TBC1D5: variants seen among roughly 807,000 people sequenced by gnomAD.
The protein encoded by TBC1D5 is TBC1 domain family, member 5.
Under a neutral mutation model 100.3 loss-of-function variants are expected in TBC1D5, and 75 were observed. The observed-to-expected ratio is 0.75, with a 90% CI of 0.62 to 0.91. TBC1D5 has a LOEUF of 0.91. TBC1D5 is among the 40% of genes least tolerant of loss of function. The pLI is 0.00. For missense variants in TBC1D5, 910 were observed against 942.4 expected, an observed-to-expected ratio of 0.97 and a Z score of 0.45; for synonymous variants, 323 against 325.6, an observed-to-expected ratio of 0.99 and a Z score of 0.09.
chr3:17,428,109 T>C (rs1379783560), intron 4 of TBC1D5, among the ~76,000 whole-genome samples: 1 of 151,764 alleles, frequency 6.6e-6, no homozygotes, highest in Non-Finnish European at 1.5e-5. Context: ...TTTAGTACCG[T>C]AACAGATATA....
At chr3:17,713,418 ATT>A (rs2074942408) in intron 1 of TBC1D5, among the ~76,000 whole-genome samples, 1 of 151,678 alleles carries the variant, frequency 6.6e-6, no homozygotes, top group Non-Finnish European at 1.5e-5. Context: ...ATTTTTTTGT[ATT>A]TTTAGTACAG....
chr3:17,567,597 A>G (rs190141259), intron 2 of TBC1D5, among the ~76,000 whole-genome samples: 36 of 151,822 alleles, frequency 2.4e-4, no homozygotes, highest in African/African-American at 8.7e-4. Flanking sequence ...CGACTTCCTG[A>G]TGGGAACTTA....
intron 2 of TBC1D5, among the ~76,000 whole-genome samples, chr3:17,580,744 C>T (rs73026500): frequency 6.6e-6 from 1 of 152,146 alleles, no homozygotes; most frequent in African/African-American, 2.4e-5. Flanking sequence ...TTAACTTCAC[C>T]TATAAATAAG....
At chr3:17,553,416 G>A (rs2096489981) in intron 2 of TBC1D5, among the ~76,000 whole-genome samples, 1 of 152,074 alleles carries the variant, frequency 6.6e-6, no homozygotes, top group Admixed American at 6.6e-5. Flanking sequence ...AGTAGGAAAT[G>A]GTACAACACC....
chr3:17,500,866 A>ACT (rs1264742034), intron 3 of TBC1D5, among the ~76,000 whole-genome samples: 2 of 149,348 alleles, frequency 1.3e-5, no homozygotes, highest in African/African-American at 5.1e-5. Flanking sequence ...AGGATGACTC[A>ACT]CAGATTTCTA....
intron 8 of TBC1D5, among the ~76,000 whole-genome samples, chr3:17,391,162 A>G (rs567107540): frequency 6.6e-6 from 1 of 152,208 alleles, no homozygotes; most frequent in African/African-American, 2.4e-5. Context: ...TATATCTGCA[A>G]ATTTTTTAAT....
chr3:17,511,418 C>T (rs1233083978), intron 2 of TBC1D5, among the ~76,000 whole-genome samples: 1 of 151,904 alleles, frequency 6.6e-6, no homozygotes, highest in Non-Finnish European at 1.5e-5. Context: ...AGTACACTTT[C>T]ACTGTTACAG....
Position 17,258,166 on chromosome 3 carries a change from AT to A in TBC1D5, c.1331+339del, listed in dbSNP as rs200756937. Among the ~76,000 whole-genome samples the A allele has an allele frequency of 1.2e-3, 180 of 152,252 alleles. 3 individuals are homozygous for A. The highest frequency in any genetic ancestry group is 9.6e-3 in the Admixed American group (147 of 15,304). On this transcript the variant is annotated intron_variant, in intron 16 of 21. Coordinates refer to ENST00000253692, the Ensembl canonical transcript of TBC1D5. Reference sequence around the variant, plus strand: ...ATTTTGTTACTGAAATAATTTAAAAATATATTATAAAACTGTCTCTTTTCAA... The same window carrying A: ...ATTTTGTTACTGAAATAATTTAAAAAATATTATAAAACTGTCTCTTTTCAA...
chr3:17,486,041 G>A (rs964326160), intron 3 of TBC1D5, among the ~76,000 whole-genome samples: 39 of 151,810 alleles, frequency 2.6e-4, no homozygotes, highest in Non-Finnish European at 5.3e-4. Flanking sequence ...ATTCTAACTG[G>A]TGTGAGATGG....
At chr3:17,348,167 A>AT (rs1452432242) in intron 13 of TBC1D5, among the ~76,000 whole-genome samples, 1 of 152,234 alleles carries the variant, frequency 6.6e-6, no homozygotes, top group African/African-American at 2.4e-5. Flanking sequence ...AATTGGACAA[A>AT]TAATTTCTCC....
At chr3:17,641,914 A>C (rs2153697940) in intron 1 of TBC1D5, among the ~76,000 whole-genome samples, 1 of 152,274 alleles carries the variant, frequency 6.6e-6, no homozygotes, top group South Asian at 2.1e-4. Context: ...TCCCCTACAC[A>C]AAAAAGAATA....
chr3:17,699,922 G>A (rs559195865), intron 1 of TBC1D5: 15 of 152,082 alleles, frequency 9.9e-5, no homozygotes, highest in African/African-American at 3.1e-4. Context: ...GATTTCAACC[G>A]GGGACCTCTT....
chr3:17,602,136 G>T (rs1377803310), intron 2 of TBC1D5, among the ~76,000 whole-genome samples: 6 of 152,134 alleles, frequency 3.9e-5, no homozygotes, highest in Admixed American at 6.5e-5. Context: ...CGGCCAATAA[G>T]TGGTATTAAC....
At chr3:17,497,717 A>G (rs1468088814) in intron 3 of TBC1D5, among the ~76,000 whole-genome samples, 1 of 152,226 alleles carries the variant, frequency 6.6e-6, no homozygotes, top group Non-Finnish European at 1.5e-5. Flanking sequence ...GTTTTTCTAC[A>G]TTTGGAAGAA....
chr3:17,388,945 A>G (rs372354389), intron 8 of TBC1D5, among the ~76,000 whole-genome samples: 1 of 152,124 alleles, frequency 6.6e-6, no homozygotes, highest in African/African-American at 2.4e-5. Flanking sequence ...ATAATCTATT[A>G]ATCAAATAAC....
chr3:17,178,382 T>C (rs2068057372), intron 19 of TBC1D5, among the ~76,000 whole-genome samples: 1 of 152,138 alleles, frequency 6.6e-6, no homozygotes, highest in Non-Finnish European at 1.5e-5. Flanking sequence ...CCATTCTTTA[T>C]ATATACCACA....
chr3:17,325,345 CG>C (rs1164529185), intron 13 of TBC1D5, among the ~76,000 whole-genome samples: 1 of 118,768 alleles, frequency 8.4e-6, no homozygotes, highest in Non-Finnish European at 1.7e-5. Context: ...TTTTTTGAGA[CG>C]AAGTCTTGCC....
chr3:17,441,221 C>T (rs542088494), intron 3 of TBC1D5, among the ~76,000 whole-genome samples: 3 of 152,154 alleles, frequency 2.0e-5, no homozygotes, highest in Non-Finnish European at 2.9e-5. Context: ...GTGCCAGACA[C>T]ATAATTCCAG....
chr3:17,230,743 C>T (rs2075342317), intron 17 of TBC1D5, among the ~76,000 whole-genome samples: 1 of 152,000 alleles, frequency 6.6e-6, no homozygotes, highest in Non-Finnish European at 1.5e-5. Context: ...AAAATTCTTT[C>T]CTAATGGTCC....
Sources: allele counts gnomAD v4.1 joint callset (sites outside exome capture counted in the v4.1 genomes callset), GRCh38; gene constraint gnomAD v4.1.1; transcripts MANE v1.5; gene names NCBI Gene and HGNC (gene_info 2026-07-23, HGNC 2026-07-21).